The following SUFU variants were observed in gnomAD, a reference collection of about 807,000 sequenced individuals.
SUFU encodes suppressor of fused homolog.
Under a neutral mutation model 58.9 loss-of-function variants are expected in SUFU, and 7 were observed. The ratio of observed to expected loss-of-function variants is 0.12; its 90% CI spans 0.07 to 0.22. The LOEUF is 0.22. SUFU is among the 10% of genes least tolerant of loss of function. SUFU has a pLI of 1.00. For synonymous variants in SUFU, 232 were observed against 254.8 expected (o/e 0.91, Z 0.85); for missense variants, 451 against 641.3 (o/e 0.70, Z 3.20).
In SUFU at chr10:102,581,157, G is replaced by A. The variant is rs556818193; in HGVS notation, c.455-11425G>A. Reference sequence around the variant, plus strand: ...ATTGTGTCATTGCACTCCAGCCTGGGCGACAGAGAGAGACTCTGTCTCCAA... The same window carrying A: ...ATTGTGTCATTGCACTCCAGCCTGGACGACAGAGAGAGACTCTGTCTCCAA... On this transcript the variant is annotated intron_variant, in intron 3 of 11. Coordinates refer to ENST00000369902, the MANE Select transcript of SUFU (RefSeq NM_016169.4). Among the ~76,000 whole-genome samples, 3 of 137,216 alleles carry A rather than the reference G, an allele frequency of 2.2e-5. No homozygotes were observed. The East Asian group carries it at 6.5e-4, about 30-fold the overall frequency. 90.0% of individuals were successfully genotyped at this position (137,216 alleles called of 152,430 possible). A position where few individuals can be genotyped will look rare whatever the true frequency, so the allele number is the denominator to read the frequency against.
intron 2 of SUFU, among the ~76,000 whole-genome samples, chr10:102,544,573 C>T (rs1169309738): frequency 1.3e-5 from 2 of 151,996 alleles, no homozygotes; most frequent in Non-Finnish European, 2.9e-5. Flanking sequence ...GTGGCACGCG[C>T]CTGTAGTCCC....
At chr10:102,581,312 T>A (rs1423397515) in intron 3 of SUFU, among the ~76,000 whole-genome samples, 1 of 150,920 alleles carries the variant, frequency 6.6e-6, no homozygotes, top group South Asian at 2.1e-4. Context: ...ATTAGGAGCA[T>A]CTGGGCTGGG....
At chr10:102,524,713 T>C (rs1400078390) in intron 2 of SUFU, among the ~76,000 whole-genome samples, 1 of 152,244 alleles carries the variant, frequency 6.6e-6, no homozygotes, top group Non-Finnish European at 1.5e-5. Context: ...TTTTACTTAC[T>C]TACTTATTTG....
intron 3 of SUFU, among the ~76,000 whole-genome samples, chr10:102,559,840 C>A (rs2063017579): frequency 6.6e-6 from 1 of 152,218 alleles, no homozygotes; most frequent in East Asian, 1.9e-4. Flanking sequence ...AAGGCAATTT[C>A]ATTTGCGTTT....
At chr10:102,568,400 TTAAA>T (rs1294233154) in intron 3 of SUFU, among the ~76,000 whole-genome samples, 5 of 152,218 alleles carry the variant, frequency 3.3e-5, no homozygotes, top group African/African-American at 1.2e-4. Context: ...ACTTTGTAAC[TTAAA>T]TAAATATATG....
At chr10:102,554,278 C>A (rs930753337) in intron 3 of SUFU, among the ~76,000 whole-genome samples, 4 of 152,072 alleles carry the variant, frequency 2.6e-5, no homozygotes, top group Admixed American at 2.6e-4. Flanking sequence ...TGGTGGACAC[C>A]TGTAATCCCA....
At chr10:102,514,703 G>A (rs144523793) in intron 2 of SUFU, among the ~76,000 whole-genome samples, 1 of 152,200 alleles carries the variant, frequency 6.6e-6, no homozygotes, top group Non-Finnish European at 1.5e-5. Flanking sequence ...CCCCTTCATG[G>A]CCAGCTAGCT....
intron 3 of SUFU, among the ~76,000 whole-genome samples, chr10:102,558,680 GAAGTCCTCTA>G (rs1396740150): frequency 1.3e-5 from 2 of 152,208 alleles, no homozygotes; most frequent in Admixed American, 1.3e-4. Context: ...GAATAGGAGG[GAAGTCCTCTA>G]AAGCAAAGGC....
chr10:102,549,474 C>T (rs973945808), intron 2 of SUFU, among the ~76,000 whole-genome samples: 5 of 152,192 alleles, frequency 3.3e-5, no homozygotes, highest in South Asian at 2.1e-4. Flanking sequence ...TCCCTTTACA[C>T]GTGGAGACTA....
chr10:102,579,680 G>A (rs2063252551), intron 3 of SUFU, among the ~76,000 whole-genome samples: 1 of 152,172 alleles, frequency 6.6e-6, no homozygotes, highest in Non-Finnish European at 1.5e-5. Flanking sequence ...GAGCAAATAT[G>A]TCTTCTCTCA....
chr10:102,561,227 A>G (rs2063034319), intron 3 of SUFU, among the ~76,000 whole-genome samples: 1 of 152,254 alleles, frequency 6.6e-6, no homozygotes, highest in Non-Finnish European at 1.5e-5. Context: ...CATGTTAATA[A>G]CCATTGCTAA....
chr10:102,602,821 G>A (rs1422257528), intron 8 of SUFU, among the ~76,000 whole-genome samples: 1 of 152,176 alleles, frequency 6.6e-6, no homozygotes, highest in African/African-American at 2.4e-5. Context: ...GGCTTCTTCA[G>A]CATTTCACAA....
intron 2 of SUFU, among the ~76,000 whole-genome samples, chr10:102,520,660 T>C (rs2062541051): frequency 6.6e-6 from 1 of 152,220 alleles, no homozygotes; most frequent in Admixed American, 6.5e-5. Flanking sequence ...ACTGTTTGGT[T>C]TTTTTTACTA....
chr10:102,541,177 T>C (rs1433918598), intron 2 of SUFU, among the ~76,000 whole-genome samples: 1 of 152,170 alleles, frequency 6.6e-6, no homozygotes, highest in Non-Finnish European at 1.5e-5. Context: ...ATTTTGAGTA[T>C]GTGAAAGCAT....
Position 102,627,235 on chromosome 10 carries a change from C to T in SUFU, c.1357C>T (p.Pro453Ser). ...MLEDLEDLTS[P>S]EEFKLPKEYS... ...GGAGGATTTAGAAGATTTGACTTCT[C>T]CAGAGGAAGTAAGCTTGTTTGACTT... The change falls in exon 11 of 12, where the codon CCA becomes TCA. Residue 453 changes from proline (P) to serine (S), a missense_variant. Coordinates refer to ENST00000369902, the MANE Select transcript of SUFU (RefSeq NM_016169.4). 1 of 1,614,134 alleles carries T rather than the reference C, an allele frequency of 6.2e-7. No homozygotes were observed. The highest frequency in any genetic ancestry group is 8.5e-7 in the Non-Finnish European group (1 of 1,179,948).
At position 102,594,020 on chromosome 10, in the gene SUFU, C is replaced by T. The variant is rs1351699930; in HGVS notation, c.711C>T (p.Asp237=). 1 of 1,614,076 alleles carries T rather than the reference C, an allele frequency of 6.2e-7. No homozygotes were observed. Among genetic ancestry groups the T allele is most frequent in the Non-Finnish European group, 8.5e-7 (1 of 1,180,036 alleles). The change falls in exon 6 of 12, where the codon GAC becomes GAT. Residue 237 remains aspartate (D), a synonymous_variant. Coordinates refer to ENST00000369902, the MANE Select transcript of SUFU (RefSeq NM_016169.4). The part of the protein sequence containing the change: ...PIAGGPWLIT[D]MRRGETIFEI... ...CTGGCGGCCCCTGGCTGATAACTGA[C>T]ATGCGGAGGGGAGAGACCATATTTG...
intron 2 of SUFU, among the ~76,000 whole-genome samples, chr10:102,538,926 G>C (rs1482858339): frequency 6.6e-6 from 1 of 152,258 alleles, no homozygotes; most frequent in Non-Finnish European, 1.5e-5. Flanking sequence ...CCTGGCTTCA[G>C]AGACTGTGCT....
intron 3 of SUFU, chr10:102,572,618 G>GAC: frequency 2.2e-6 from 1 of 448,596 alleles, no homozygotes; most frequent in Non-Finnish European, 4.1e-6. Flanking sequence ...TTGAACCCCT[G>GAC]ACCTCGTGAT....
At chr10:102,590,153 CTTTTTTCTTT>C (rs2063381440) in intron 3 of SUFU, among the ~76,000 whole-genome samples, 1 of 73,840 alleles carries the variant, frequency 1.4e-5, no homozygotes, top group Non-Finnish European at 2.4e-5. Flanking sequence ...TTTTTTTTTT[CTTTTTTCTTT>C]TTTTTTTTTT....
Sources: gnomAD v4.1 joint callset for allele counts (sites outside exome capture counted in the v4.1 genomes callset) on GRCh38, gnomAD v4.1.1 for gene constraint, MANE v1.5 for transcripts, NCBI Gene and HGNC (gene_info 2026-07-23, HGNC 2026-07-21) for gene names.